The following SMIM10L2A variants were observed in gnomAD, a reference collection of about 807,000 sequenced individuals.
SMIM10L2A encodes small integral membrane protein 10 like 2A.
SMIM10L2A carries 2 observed loss-of-function variants against 3.0 expected under a neutral mutation model. The ratio of observed to expected loss-of-function variants is 0.66; its 90% confidence interval spans 0.27 to 2.08. The LOEUF (loss-of-function observed/expected upper bound fraction) is 2.08. SMIM10L2A is among the 30% of genes most tolerant of loss of function. The pLI, the probability that SMIM10L2A is intolerant of heterozygous loss-of-function variation, is 0.14. For missense variants in SMIM10L2A, 59 were observed against 66.5 expected (o/e 0.89, Z 0.39); for synonymous variants, 29 against 34.8 (o/e 0.83, Z 0.58).
At position 135,425,123 on chromosome X, in the gene SMIM10L2A, G is replaced by A. The variant is rs1556471260; in HGVS notation, c.*1853G>A. On this transcript the variant is annotated 3_prime_UTR_variant, in exon 2 of 2. Coordinates refer to ENST00000417443, the MANE Select transcript of SMIM10L2A (RefSeq NM_203306.3). ...CTGGGTGACTGGATCCCCAGCTCCAGCCTCTTCCTGGGCCAGCCAGGAAGG... is the reference window on the plus strand; with the variant it reads ...CTGGGTGACTGGATCCCCAGCTCCAACCTCTTCCTGGGCCAGCCAGGAAGG... 1 of 111,894 alleles carries A rather than the reference G, an allele frequency of 8.9e-6. No homozygotes were observed. Among genetic ancestry groups the A allele is most frequent in the Non-Finnish European group, 1.9e-5 (1 of 52,986 alleles). The allele number at this position is 111,894 out of a possible 1,213,427, so 9.2% of individuals were successfully genotyped here.
At chrX:135,423,004 A>G (rs781878873) in intron 1 of SMIM10L2A, among the ~76,000 whole-genome samples, 147 of 110,333 alleles carry the variant, frequency 1.3e-3, no homozygotes, top group African/African-American at 4.5e-3. Flanking sequence ...CTGAACCCTG[A>G]GGAATGGAGG....
At position 135,424,127 on chromosome X, in the gene SMIM10L2A, G is replaced by C. The variant is rs1556470973; in HGVS notation, c.*857G>C. On this transcript the variant is annotated 3_prime_UTR_variant, in exon 2 of 2. Coordinates refer to ENST00000417443, the MANE Select transcript of SMIM10L2A (RefSeq NM_203306.3). Reference sequence around the variant, plus strand: ...GCACCAAGGGAGAGAGGGGCCCAGGGGTAGGGAATCTAGGAATGTCGCTTT... The same window carrying C: ...GCACCAAGGGAGAGAGGGGCCCAGGCGTAGGGAATCTAGGAATGTCGCTTT... The C allele has an allele frequency of 1.8e-5, 2 of 111,325 alleles. No individual in the cohort carries two copies. The highest frequency in any genetic ancestry group is 3.8e-5 in the Non-Finnish European group (2 of 52,828). 9.2% of individuals were successfully genotyped at this position (111,325 alleles called of 1,213,427 possible).
Position 135,425,575 on chromosome X carries a change from G to A in SMIM10L2A, c.*2305G>A, listed in dbSNP as rs1556471408. On this transcript the variant is annotated 3_prime_UTR_variant, in exon 2 of 2. Coordinates refer to ENST00000417443, the MANE Select transcript of SMIM10L2A (RefSeq NM_203306.3). ...TCTCCATGCGCTTTATTTATTTGCA[G>A]TCTGTTTTCTAGGCGGTGGAGCTAG... 8.9e-6 allele frequency: 1 copy of A among 112,421 alleles called. No homozygotes were observed. The highest frequency in any genetic ancestry group is 9.3e-5 in the Admixed American group (1 of 10,719). 9.3% of individuals were successfully genotyped at this position (112,421 alleles called of 1,213,427 possible). A position where few individuals can be genotyped will look rare whatever the true frequency, so the allele number is the denominator to read the frequency against.
Position 135,426,080 on chromosome X carries a change from T to A in SMIM10L2A, c.*2810T>A, listed in dbSNP as rs2085151686. 2 of 111,994 alleles carry A rather than the reference T, an allele frequency of 1.8e-5. No homozygotes were observed. The highest frequency in any genetic ancestry group is 6.5e-5 in the African/African-American group (2 of 30,755). 9.2% of individuals were successfully genotyped at this position (111,994 alleles called of 1,213,427 possible). A position where few individuals can be genotyped will look rare whatever the true frequency, so the allele number is the denominator to read the frequency against. Reference sequence around the variant, plus strand: ...TTAGAGTCTGGCGATCAAAAGTGTCTTAAGTCAGTAGAATCCTGAGGGTGG... The same window carrying A: ...TTAGAGTCTGGCGATCAAAAGTGTCATAAGTCAGTAGAATCCTGAGGGTGG... On this transcript the variant is annotated 3_prime_UTR_variant, in exon 2 of 2. Coordinates refer to ENST00000417443, the MANE Select transcript of SMIM10L2A (RefSeq NM_203306.3).
chrX:135,427,943 ATGG>A lies in SMIM10L2A; in HGVS notation c.*4674_*4676del, dbSNP rs2085158983. ...CTAGAAAGTGCACCAAAGGGTATGC[ATGG>A]CTTAGGGCTTTTGATACTCTCCAGA... On this transcript the variant is annotated 3_prime_UTR_variant, in exon 2 of 2. Transcript: ENST00000417443. 1 of 111,879 alleles carries A rather than the reference ATGG, an allele frequency of 8.9e-6. No homozygotes were observed. Among genetic ancestry groups the A allele is most frequent in the African/African-American group, 3.3e-5 (1 of 30,671 alleles). The allele number at this position is 111,879 out of a possible 1,213,427, so 9.2% of individuals were successfully genotyped here.
At position 135,424,015 on chromosome X, in the gene SMIM10L2A, C is replaced by T. The variant is rs1451615459; in HGVS notation, c.*745C>T. 8.9e-5 allele frequency: 10 copies of T among 111,961 alleles called. No homozygotes were observed. Among genetic ancestry groups the T allele is most frequent in the Admixed American group, 2.8e-4 (3 of 10,754 alleles). 9.2% of individuals were successfully genotyped at this position (111,961 alleles called of 1,213,427 possible). A position where few individuals can be genotyped will look rare whatever the true frequency, so the allele number is the denominator to read the frequency against. On this transcript the variant is annotated 3_prime_UTR_variant, in exon 2 of 2. Coordinates refer to ENST00000417443, the MANE Select transcript of SMIM10L2A (RefSeq NM_203306.3). Reference sequence around the variant, plus strand: ...TGCGTGTGCCCCTGGGCCTGCAGGCCCCCACACCCCTCCCCAGTCTTCTTC... The same window carrying T: ...TGCGTGTGCCCCTGGGCCTGCAGGCTCCCACACCCCTCCCCAGTCTTCTTC...
rs1420076347 is a variant in SMIM10L2A at position 135,421,987 on chromosome X, C to T, written c.-145C>T. ...GGGGCCGAGGCAGCGGCCGCCTGAG[C>T]CCCGCTCGGCCTTGGGAACACGGGG... On this transcript the variant is annotated 5_prime_UTR_variant, in exon 1 of 2. Coordinates refer to ENST00000417443, the MANE Select transcript of SMIM10L2A (RefSeq NM_203306.3). 2 of 247,343 alleles carry T rather than the reference C, an allele frequency of 8.1e-6. No individual in the cohort carries two copies. Among genetic ancestry groups the T allele is most frequent in the Non-Finnish European group, 1.4e-5 (2 of 139,118 alleles). The allele number at this position is 247,343 out of a possible 1,213,427, so 20.4% of individuals were successfully genotyped here. A position where few individuals can be genotyped will look rare whatever the true frequency, so the allele number is the denominator to read the frequency against.
chrX:135,423,031 G>A (rs1277516018), intron 1 of SMIM10L2A, among the ~76,000 whole-genome samples: 2 of 111,993 alleles, frequency 1.8e-5, no homozygotes, highest in Non-Finnish European at 3.8e-5. Flanking sequence ...GGCTGGGGGC[G>A]GCCCCGGAAG....
chrX:135,425,910 G>A lies in SMIM10L2A; in HGVS notation c.*2640G>A. 1 of 111,335 alleles carries A rather than the reference G, an allele frequency of 9.0e-6. No homozygotes were observed. The highest frequency in any genetic ancestry group is 1.9e-5 in the Non-Finnish European group (1 of 52,994). 9.2% of individuals were successfully genotyped at this position (111,335 alleles called of 1,213,427 possible). A position where few individuals can be genotyped will look rare whatever the true frequency, so the allele number is the denominator to read the frequency against. On this transcript the variant is annotated 3_prime_UTR_variant, in exon 2 of 2. Transcript: ENST00000417443. ...GGCTGTGGCAGGGACCGTGTTTCCT[G>A]TTCAGAGGCTGTGCTGAGAACCGAC...
In SMIM10L2A at chrX:135,425,330, G is replaced by C. The variant is rs1245408639; in HGVS notation, c.*2060G>C. On this transcript the variant is annotated 3_prime_UTR_variant, in exon 2 of 2. Coordinates refer to ENST00000417443, the MANE Select transcript of SMIM10L2A (RefSeq NM_203306.3). The stretch of plus-strand genomic sequence containing the variant: ...CTGCAGGGAGCCCCACCCCATAAGA[G>C]GGTCACGGAAGTCCATGTCCGCCCA... 3.6e-5 allele frequency: 4 copies of C among 112,145 alleles called. No individual in the cohort carries two copies. Among genetic ancestry groups the C allele is most frequent in the Non-Finnish European group, 7.5e-5 (4 of 53,132 alleles). The allele number at this position is 112,145 out of a possible 1,213,427, so 9.2% of individuals were successfully genotyped here.
chrX:135,422,570 C>G lies in SMIM10L2A; in HGVS notation c.*202C>G, dbSNP rs1249532077. 31 of 229,119 alleles carry G rather than the reference C, an allele frequency of 1.4e-4. No homozygotes were observed. The highest frequency in any genetic ancestry group is 1.3e-3 in the Admixed American group (19 of 14,218). 18.9% of individuals were successfully genotyped at this position (229,119 alleles called of 1,213,427 possible). A position where few individuals can be genotyped will look rare whatever the true frequency, so the allele number is the denominator to read the frequency against. On this transcript the variant is annotated 3_prime_UTR_variant, in exon 1 of 2. Coordinates refer to ENST00000417443, the MANE Select transcript of SMIM10L2A (RefSeq NM_203306.3). ...CCCGGCTGCGGTCTCAGCCCGGGGG[C>G]CCTGGATCGCGCAGAAACGCACTGA...
chrX:135,427,121 T>C lies in SMIM10L2A; in HGVS notation c.*3851T>C, dbSNP rs1246100647. The C allele has an allele frequency of 8.9e-6, 1 of 112,310 alleles. No homozygotes were observed. The highest frequency in any genetic ancestry group is 1.9e-5 in the Non-Finnish European group (1 of 53,246). 9.3% of individuals were successfully genotyped at this position (112,310 alleles called of 1,213,427 possible). A position where few individuals can be genotyped will look rare whatever the true frequency, so the allele number is the denominator to read the frequency against. ...TCATTATCACACAACCACCTAACCATTATCCCTGTTTTACAGAGAAACCAA... is the reference window on the plus strand; with the variant it reads ...TCATTATCACACAACCACCTAACCACTATCCCTGTTTTACAGAGAAACCAA... On this transcript the variant is annotated 3_prime_UTR_variant, in exon 2 of 2. Transcript: ENST00000417443.
rs1556471522 is a variant in SMIM10L2A, at chrX:135,425,864, C to G, written c.*2594C>G. ...GCCAGGAGTTGGCAGGGAGAAGCCTCTGAGGGCTAGGGCTGGGGGAGGCTG... is the reference window on the plus strand; with the variant it reads ...GCCAGGAGTTGGCAGGGAGAAGCCTGTGAGGGCTAGGGCTGGGGGAGGCTG... On this transcript the variant is annotated 3_prime_UTR_variant, in exon 2 of 2. Coordinates refer to ENST00000417443, the MANE Select transcript of SMIM10L2A (RefSeq NM_203306.3). 1 of 111,566 alleles carries G rather than the reference C, an allele frequency of 9.0e-6. No homozygotes were observed. Among genetic ancestry groups the G allele is most frequent in the Admixed American group, 9.4e-5 (1 of 10,611 alleles). 9.2% of individuals were successfully genotyped at this position (111,566 alleles called of 1,213,427 possible).
In SMIM10L2A at chrX:135,427,242, T is replaced by C. The variant is rs1430706727; in HGVS notation, c.*3972T>C. The C allele has an allele frequency of 2.7e-5, 3 of 112,302 alleles. No homozygotes were observed. The Admixed American group carries it at 2.8e-4, about 11-fold the overall frequency. 9.3% of individuals were successfully genotyped at this position (112,302 alleles called of 1,213,427 possible). A position where few individuals can be genotyped will look rare whatever the true frequency, so the allele number is the denominator to read the frequency against. ...GAGGCAGGGAATTGGGCTGGAAGAA[T>C]GGTGGAATGGAATAGCAAAGATGGA... On this transcript the variant is annotated 3_prime_UTR_variant, in exon 2 of 2. Transcript: ENST00000417443.
Position 135,427,033 on chromosome X carries a change from G to A in SMIM10L2A, c.*3763G>A, listed in dbSNP as rs5930705. ...AAAAGGAACCAAGTGAAGGGAATCG[G>A]CCTCTGATGAGAGCCTGCCATGTGC... On this transcript the variant is annotated 3_prime_UTR_variant, in exon 2 of 2. Coordinates refer to ENST00000417443, the MANE Select transcript of SMIM10L2A (RefSeq NM_203306.3). 0.33 allele frequency: 37,369 copies of A among 112,022 alleles called. 4,714 individuals are homozygous for A. Among genetic ancestry groups the A allele is most frequent in the South Asian group, 0.52 (1,413 of 2,705 alleles). 9.2% of individuals were successfully genotyped at this position (112,022 alleles called of 1,213,427 possible).
At position 135,425,548 on chromosome X, in the gene SMIM10L2A, G is replaced by A. The variant is rs782121455; in HGVS notation, c.*2278G>A. 8.9e-6 allele frequency: 1 copy of A among 111,915 alleles called. No homozygotes were observed. The highest frequency in any genetic ancestry group is 1.9e-5 in the Non-Finnish European group (1 of 53,177). The allele number at this position is 111,915 out of a possible 1,213,427, so 9.2% of individuals were successfully genotyped here. A position where few individuals can be genotyped will look rare whatever the true frequency, so the allele number is the denominator to read the frequency against. ...AGATGGGGCCCTTGCTGCGTGACGG[G>A]GTCTCCATGCGCTTTATTTATTTGC... On this transcript the variant is annotated 3_prime_UTR_variant, in exon 2 of 2. Coordinates refer to ENST00000417443, the MANE Select transcript of SMIM10L2A (RefSeq NM_203306.3).
Position 135,422,269 on chromosome X carries a change from C to T in SMIM10L2A, c.138C>T (p.Thr46=). The T allele has an allele frequency of 9.2e-6, 10 of 1,086,026 alleles. No individual in the cohort carries two copies. The highest frequency in any genetic ancestry group is 1.1e-5 in the Non-Finnish European group (9 of 824,733). The allele number at this position is 1,086,026 out of a possible 1,213,427, so 89.5% of individuals were successfully genotyped here. A position where few individuals can be genotyped will look rare whatever the true frequency, so the allele number is the denominator to read the frequency against. ...FCKGLTRTLL[T]FFDLAWRLRM... Reference sequence around the variant, plus strand: ...AGGGGCTCACGCGCACGCTGCTCACCTTCTTCGACCTGGCCTGGCGGCTGC... The same window carrying T: ...AGGGGCTCACGCGCACGCTGCTCACTTTCTTCGACCTGGCCTGGCGGCTGC... The change falls in exon 1 of 2, where the codon ACC becomes ACT. Residue 46 remains threonine, a synonymous_variant. Coordinates refer to ENST00000417443, the MANE Select transcript of SMIM10L2A (RefSeq NM_203306.3).
chrX:135,427,107 C>A lies in SMIM10L2A; in HGVS notation c.*3837C>A, dbSNP rs1462551070. The A allele has an allele frequency of 8.9e-6, 1 of 112,559 alleles. No homozygotes were observed. The highest frequency in any genetic ancestry group is 1.9e-5 in the Non-Finnish European group (1 of 53,315). 9.3% of individuals were successfully genotyped at this position (112,559 alleles called of 1,213,427 possible). Reference sequence around the variant, plus strand: ...CATTCCTAATCTCATCATTATCACACAACCACCTAACCATTATCCCTGTTT... The same window carrying A: ...CATTCCTAATCTCATCATTATCACAAAACCACCTAACCATTATCCCTGTTT... On this transcript the variant is annotated 3_prime_UTR_variant, in exon 2 of 2. Coordinates refer to ENST00000417443, the MANE Select transcript of SMIM10L2A (RefSeq NM_203306.3).
chrX:135,423,196 C>T (rs56016143), intron 1 of SMIM10L2A, among the ~76,000 whole-genome samples: 1 of 112,619 alleles, frequency 8.9e-6, no homozygotes, highest in Middle Eastern at 4.7e-3. Flanking sequence ...GCAAAACTGC[C>T]TCCTGCCCTG....
Sources: allele counts gnomAD v4.1 joint callset (sites outside exome capture counted in the v4.1 genomes callset), GRCh38; gene constraint gnomAD v4.1.1; transcripts MANE v1.5; gene names NCBI Gene and HGNC (gene_info 2026-07-23, HGNC 2026-07-21).